ZNF616: variants seen among roughly 807,000 people sequenced by gnomAD.
ZNF616 encodes the protein zinc finger protein 616.
ZNF616 carries 5 observed loss-of-function variants against 7.6 expected under a neutral mutation model. The ratio of observed to expected loss-of-function variants is 0.66; its 90% CI spans 0.34 to 1.38. The LOEUF is 1.38. Among genes scored for constraint, ZNF616 ranks in the 40% most tolerant of loss-of-function variants. The pLI is 0.04. For missense variants in ZNF616, 913 were observed against 948.3 expected (o/e 0.96, Z 0.49); for synonymous variants, 319 against 317.2 (o/e 1.01, Z -0.06).
At chr19:52,136,843 G>A (rs767871599) in intron 1 of ZNF616, among the ~76,000 whole-genome samples, 2 of 151,956 alleles carry the variant, frequency 1.3e-5, no homozygotes, top group African/African-American at 2.4e-5. Context: ...TGGGAAGATC[G>A]CTTGAGACCA....
intron 1 of ZNF616, among the ~76,000 whole-genome samples, chr19:52,136,586 G>GATAAC (rs137939626): frequency 0.16 from 25,067 of 152,032 alleles, 2,514 homozygotes; most frequent in South Asian, 0.3. Flanking sequence ...ATAGGCAAGA[G>GATAAC]AGGTGTTAGC....
intron 1 of ZNF616, among the ~76,000 whole-genome samples, chr19:52,133,938 A>G (rs1315688506): frequency 6.6e-6 from 1 of 152,024 alleles, no homozygotes; most frequent in Non-Finnish European, 1.5e-5. Flanking sequence ...ATGTTTTCTC[A>G]TCATTTACCT....
At chr19:52,136,294 A>G (rs1371576856) in intron 1 of ZNF616, among the ~76,000 whole-genome samples, 3 of 152,224 alleles carry the variant, frequency 2.0e-5, no homozygotes, top group Admixed American at 6.5e-5. Context: ...CAGCCTGACC[A>G]ACATGGTGAA....
chr19:52,129,291 A>G (rs2088937493), intron 2 of ZNF616, among the ~76,000 whole-genome samples: 1 of 152,160 alleles, frequency 6.6e-6, no homozygotes, highest in African/African-American at 2.4e-5. Flanking sequence ...AACAAAAAGC[A>G]AAAAACAAAA....
At chr19:52,130,440 A>G (rs1178966769) in intron 2 of ZNF616, 61 bp downstream of exon 2, 75 of 1,462,922 alleles carry the variant, frequency 5.1e-5, no homozygotes, top group Non-Finnish European at 6.8e-5. Flanking sequence ...TACTTCACAA[A>G]GGAAGGAGAC....
chr19:52,118,213 G>T (rs77507131), intron 3 of ZNF616, among the ~76,000 whole-genome samples: 2 of 152,020 alleles, frequency 1.3e-5, no homozygotes, highest in African/African-American at 2.4e-5. Context: ...CCAAAGTGCC[G>T]GGATTATATA....
At chr19:52,122,458 C>T (rs2088871638) in intron 3 of ZNF616, 1 of 151,982 alleles carries the variant, frequency 6.6e-6, no homozygotes, top group South Asian at 2.1e-4. Context: ...ATTCTCCAGC[C>T]TGGGCAACAA....
Position 52,116,673 on chromosome 19 carries a change from T to C in ZNF616, c.491A>G (p.Asn164Ser). Reference protein sequence around the residue: ...VQTEGRLYECNETEKTGNNGC... With the variant: ...VQTEGRLYECSETEKTGNNGC... ...ATTATTACCTGTCTTCTCCGTTTCA[T>C]TACATTCATAAAGTCTCCCTTCAGT... is the stretch of plus-strand genomic sequence containing the variant. The change falls in exon 4 of 4, where the codon AAT (asparagine) becomes AGT (serine). Residue 164 changes from asparagine (N) to serine (S), a missense_variant. Asn to Ser is a conservative substitution (Grantham distance 46). Coordinates refer to ENST00000600228, the MANE Select transcript of ZNF616 (RefSeq NM_178523.5). 1 of 1,614,186 alleles carries C rather than the reference T, an allele frequency of 6.2e-7. No homozygotes were observed. The highest frequency in any genetic ancestry group is 8.5e-7 in the Non-Finnish European group (1 of 1,180,032).
rs1452525245 is a variant in ZNF616 at position 52,116,950 on chromosome 19, C to T, written c.214G>A (p.Val72Met). ...NSNTGERFQT[V>M]ALERHQSYDI... ...TAGCTTTGATGTCTTTCCAGTGCCA[C>T]TGTTTGGAACCTTTCTCCTGTATTA... is the stretch of plus-strand genomic sequence containing the variant. The change falls in exon 4 of 4, where the codon GTG (valine) becomes ATG (methionine). Residue 72 changes from valine (V) to methionine (M), a missense_variant. Physicochemically the swap from Val to Met is conservative, Grantham distance 21. Transcript: ENST00000600228. 2.5e-6 allele frequency: 4 copies of T among 1,613,398 alleles called. No individual in the cohort carries two copies. The highest frequency in any genetic ancestry group is 3.3e-4 in the Middle Eastern group (2 of 6,060).
intron 3 of ZNF616, among the ~76,000 whole-genome samples, chr19:52,120,919 A>G (rs898054663): frequency 3.9e-5 from 6 of 152,224 alleles, no homozygotes; most frequent in Non-Finnish European, 7.3e-5. Flanking sequence ...GTAAGTAAAT[A>G]GGCAACCTAA....
Position 52,116,654 on chromosome 19 carries a change from A to G in ZNF616, c.510T>C (p.Gly170=). The change falls in exon 4 of 4, where the codon GGT becomes GGC. Residue 170 remains glycine, a synonymous_variant. Coordinates refer to ENST00000600228, the MANE Select transcript of ZNF616 (RefSeq NM_178523.5). ...GTGGAGAAACTAAACAACCATTATT[A>G]CCTGTCTTCTCCGTTTCATTACATT... is the stretch of plus-strand genomic sequence containing the variant. ...LYECNETEKT[G]NNGCLVSPHI... is the part of the protein sequence containing the mutation. 1 of 1,614,082 alleles carries G rather than the reference A, an allele frequency of 6.2e-7. No individual in the cohort carries two copies. Among genetic ancestry groups the G allele is most frequent in the East Asian group, 2.2e-5 (1 of 44,866 alleles).
chr19:52,133,604 C>T (rs1020856975), intron 1 of ZNF616, among the ~76,000 whole-genome samples: 1 of 151,990 alleles, frequency 6.6e-6, no homozygotes, highest in Non-Finnish European at 1.5e-5. Context: ...CTGCAACCTC[C>T]GCCTCCCGGG....
At chr19:52,130,365 G>T in intron 2 of ZNF616, 136 bp downstream of exon 2, 1 of 889,840 alleles carries the variant, frequency 1.1e-6, no homozygotes, top group Non-Finnish European at 1.9e-6. Context: ...GCATGGATGA[G>T]CATGAGCAAA....
intron 3 of ZNF616, among the ~76,000 whole-genome samples, chr19:52,118,983 G>A (rs16983496): frequency 0.15 from 23,464 of 152,114 alleles, 2,297 homozygotes; most frequent in South Asian, 0.32. Flanking sequence ...GGTACTGCAG[G>A]TAACAGGTCA....
rs1203664301 is a variant in ZNF616 at position 52,115,703 on chromosome 19, AT to A, written c.1460del (p.His487LeufsTer107). 2 of 1,611,154 alleles carry A rather than the reference AT, an allele frequency of 1.2e-6. No homozygotes were observed. Among genetic ancestry groups the A allele is most frequent in the Non-Finnish European group, 1.7e-6 (2 of 1,179,182 alleles). Reference sequence around the variant, plus strand: ...TGCATTTGTAAGGTTTCTCTCCAGTATGAATTCTCTGATGAGCTGCAAGTCG... The same window carrying A: ...TGCATTTGTAAGGTTTCTCTCCAGTAGAATTCTCTGATGAGCTGCAAGTCG... ...HSRLAAHQRI[H>X]TGEKPYKCNE... On this transcript the variant is annotated frameshift_variant, in exon 4 of 4. Transcript: ENST00000600228. LOFTEE classifies it low-confidence loss of function (END_TRUNC).
At chr19:52,136,038 G>A (rs1475111219) in intron 1 of ZNF616, among the ~76,000 whole-genome samples, 2 of 148,822 alleles carry the variant, frequency 1.3e-5, no homozygotes, top group African/African-American at 2.5e-5. Flanking sequence ...GCTGAGGCAT[G>A]AGACTCGCTA....
intron 1 of ZNF616, among the ~76,000 whole-genome samples, chr19:52,133,006 G>A (rs1317339530): frequency 6.6e-6 from 1 of 152,094 alleles, no homozygotes; most frequent in East Asian, 1.9e-4. Context: ...TAAACAGAAA[G>A]CTCCTGACAG....
chr19:52,114,737 G>A lies in ZNF616; in HGVS notation c.*81C>T, dbSNP rs376158125. ...AATACTGGAGATTACAATTCCACAG[G>A]GATTTCAAGAGAAGGGGTAAATATA... On this transcript the variant is annotated 3_prime_UTR_variant, in exon 4 of 4. Coordinates refer to ENST00000600228, the MANE Select transcript of ZNF616 (RefSeq NM_178523.5). 1 of 1,466,338 alleles carries A rather than the reference G, an allele frequency of 6.8e-7. No individual in the cohort carries two copies. Among genetic ancestry groups the A allele is most frequent in the South Asian group, 1.4e-5 (1 of 71,258 alleles). 90.8% of individuals were successfully genotyped at this position (1,466,338 alleles called of 1,614,324 possible). A position where few individuals can be genotyped will look rare whatever the true frequency, so the allele number is the denominator to read the frequency against.
intron 1 of ZNF616, among the ~76,000 whole-genome samples, chr19:52,136,841 T>C (rs1311315214): frequency 1.3e-5 from 2 of 151,936 alleles, no homozygotes; most frequent in African/African-American, 4.8e-5. Flanking sequence ...GATGGGAAGA[T>C]CGCTTGAGAC....
Sources: allele counts gnomAD v4.1 joint callset (sites outside exome capture counted in the v4.1 genomes callset), GRCh38; gene constraint gnomAD v4.1.1; transcripts MANE v1.5; gene names NCBI Gene and HGNC (gene_info 2026-07-23, HGNC 2026-07-21).